Variants in CCDC171 observed in about 807,000 individuals in gnomAD.
The protein encoded by CCDC171 is coiled-coil domain-containing protein 171.
A neutral mutation model predicts 168.2 loss-of-function variants in CCDC171; 177 were observed. The observed-to-expected ratio is 1.05, with a 90% confidence interval of 0.93 to 1.19. The LOEUF is 1.19. Among genes scored for constraint, CCDC171 ranks in the 50% most tolerant of loss-of-function variants. CCDC171 has a pLI of 0.00. For missense variants in CCDC171, 1,991 were observed against 1,539.0 expected (o/e 1.29, Z -4.91); for synonymous variants, 687 against 540.8 (o/e 1.27, Z -3.75).
chr9:15,956,934 G>A (rs1472929197), intron 25 of CCDC171, among the ~76,000 whole-genome samples: 1 of 151,648 alleles, frequency 6.6e-6, no homozygotes, highest in Admixed American at 6.6e-5. Context: ...TAAATTGGTT[G>A]TTAATATTAA....
intron 25 of CCDC171, among the ~76,000 whole-genome samples, chr9:15,950,837 T>G (rs573668554): frequency 1.2e-3 from 184 of 151,538 alleles, no homozygotes; most frequent in Admixed American, 2.3e-3. Context: ...GTAAATTGGA[T>G]AAAGAGTCAA....
the CCDC171 span, among the ~76,000 whole-genome samples, chr9:16,104,835 G>A: frequency 1.3e-5 from 2 of 152,052 alleles, no homozygotes; most frequent in African/African-American, 4.8e-5. Context: ...ATAGATGTGG[G>A]CCTTGACCTA....
At chr9:16,036,022 G>C (rs1352581452) in intron 7 of CCDC171, 1 of 152,168 alleles carries the variant, frequency 6.6e-6, no homozygotes, top group African/African-American at 2.4e-5. Context: ...CAAGAGAAGT[G>C]TTGAAGAAAA....
intron 13 of CCDC171, 138 bp from the exon 14 acceptor site, chr9:15,724,638 G>A (rs2053681505): frequency 1.7e-6 from 1 of 596,646 alleles, no homozygotes; most frequent in South Asian, 2.6e-5. Flanking sequence ...ATATTTTAAT[G>A]TAAACAAATG....
chr9:15,556,349 C>A (rs2038796672), intron 1 of CCDC171, among the ~76,000 whole-genome samples: 1 of 152,120 alleles, frequency 6.6e-6, no homozygotes, highest in Non-Finnish European at 1.5e-5. Context: ...AGTTTACAGT[C>A]CCACCAACGG....
chr9:15,601,248 G>T (rs905264678), intron 6 of CCDC171, among the ~76,000 whole-genome samples: 1 of 152,194 alleles, frequency 6.6e-6, no homozygotes, highest in Non-Finnish European at 1.5e-5. Flanking sequence ...CTGTAGACTG[G>T]AGCTGTTCCT....
intron 24 of CCDC171, among the ~76,000 whole-genome samples, chr9:15,919,925 TC>T (rs966488084): frequency 6.6e-6 from 1 of 151,684 alleles, no homozygotes; most frequent in Non-Finnish European, 1.5e-5. Context: ...ATTGCACCTC[TC>T]TTAAGATGGA....
intron 18 of CCDC171, among the ~76,000 whole-genome samples, chr9:15,751,952 TATC>T (rs1014522099): frequency 1.3e-4 from 20 of 152,238 alleles, no homozygotes; most frequent in Middle Eastern, 3.4e-3. Flanking sequence ...CAGAAGAAAC[TATC>T]ATGAGAGTGA....
intron 25 of CCDC171, among the ~76,000 whole-genome samples, chr9:15,951,933 T>A (rs1829233035): frequency 6.6e-6 from 1 of 152,168 alleles, no homozygotes; most frequent in South Asian, 2.1e-4. Flanking sequence ...TCCACAAATC[T>A]TTGCCAAATC....
intron 24 of CCDC171, among the ~76,000 whole-genome samples, chr9:15,890,293 G>A (rs7040549): frequency 1.3e-5 from 2 of 152,132 alleles, no homozygotes; most frequent in Admixed American, 6.5e-5. Flanking sequence ...CTTTAGAGAT[G>A]AATGAAATTT....
chr9:15,570,647 C>A (rs2040151500), intron 2 of CCDC171, among the ~76,000 whole-genome samples: 1 of 152,152 alleles, frequency 6.6e-6, no homozygotes, highest in South Asian at 2.1e-4. Flanking sequence ...GAACCACTGG[C>A]ATCAGTATCT....
chr9:15,691,560 A>ATG, intron 10 of CCDC171, among the ~76,000 whole-genome samples: 1 of 142,118 alleles, frequency 7.0e-6, no homozygotes, highest in Admixed American at 6.9e-5. Flanking sequence ...ATATATATAT[A>ATG]TATATATATA....
intron 3 of CCDC171, among the ~76,000 whole-genome samples, chr9:15,999,218 A>AT (rs773545374): frequency 9.9e-5 from 15 of 151,706 alleles, no homozygotes; most frequent in Admixed American, 2.0e-4. Flanking sequence ...TGAAAAAAAA[A>AT]GGAAAAGAGG....
chr9:15,967,744 C>T (rs1830942811), intron 25 of CCDC171, among the ~76,000 whole-genome samples: 1 of 152,286 alleles, frequency 6.6e-6, no homozygotes, highest in South Asian at 2.1e-4. Context: ...CTTTTAATCA[C>T]ACTATGTGCT....
chr9:15,653,259 C>A (rs1312259603), intron 7 of CCDC171, among the ~76,000 whole-genome samples: 2 of 152,158 alleles, frequency 1.3e-5, no homozygotes, highest in African/African-American at 4.8e-5. Context: ...CCCACCTCAG[C>A]CTCCCAAGTT....
chr9:15,934,582 C>A (rs1826899237), intron 25 of CCDC171, among the ~76,000 whole-genome samples: 1 of 151,946 alleles, frequency 6.6e-6, no homozygotes, highest in Non-Finnish European at 1.5e-5. Flanking sequence ...TGGTAAACCA[C>A]TGTGGAAAAT....
Position 15,817,268 on chromosome 9 carries a change from C to T in CCDC171, c.3268-29434C>T, listed in dbSNP as rs987026546. 2.9e-4 allele frequency among the ~76,000 whole-genome samples: 34 copies of T among 117,758 alleles called. 12 individuals are homozygous for T. The highest frequency in any genetic ancestry group is 4.4e-4 in the Non-Finnish European group (23 of 52,322). 77.3% of individuals were successfully genotyped at this position (117,758 alleles called of 152,430 possible). The stretch of plus-strand genomic sequence containing the variant: ...TCCAGTCTACAGCTCCCAGTGTGAG[C>T]GACGCAGAAGATGGGTGATTTCTGC... On this transcript the variant is annotated intron_variant, in intron 21 of 25. Coordinates refer to ENST00000380701, the MANE Select transcript of CCDC171 (RefSeq NM_173550.4).
chr9:15,990,754 A>G (rs1298642234), intron 3 of CCDC171, among the ~76,000 whole-genome samples: 1 of 152,210 alleles, frequency 6.6e-6, no homozygotes, highest in Admixed American at 6.5e-5. Context: ...ATGGAAAACA[A>G]AAAAAGGCAG....
At chr9:15,902,651 G>T (rs982368613) in intron 24 of CCDC171, among the ~76,000 whole-genome samples, 1 of 152,198 alleles carries the variant, frequency 6.6e-6, no homozygotes, top group African/African-American at 2.4e-5. Context: ...TGAGGTACCG[G>T]GTTCATCTCA....
Sources: allele counts gnomAD v4.1 joint callset (sites outside exome capture counted in the v4.1 genomes callset), GRCh38; gene constraint gnomAD v4.1.1; transcripts MANE v1.5; gene names NCBI Gene and HGNC (gene_info 2026-07-23, HGNC 2026-07-21).